Variants in MPDZ observed in about 807,000 individuals in gnomAD.
MPDZ encodes multiple PDZ domain protein.
In MPDZ, 234 loss-of-function variants were observed where a neutral mutation model predicts 239.1. The ratio of observed to expected loss-of-function variants is 0.98; its 90% CI spans 0.88 to 1.09. The LOEUF is 1.09. MPDZ is among the 50% of genes least tolerant of loss of function. The pLI is 0.00. For missense variants in MPDZ, 3,175 were observed against 2,510.0 expected, an observed-to-expected ratio of 1.26 and a Z score of -5.66; for synonymous variants, 1,048 against 881.3, an observed-to-expected ratio of 1.19 and a Z score of -3.35.
intron 25 of MPDZ, among the ~76,000 whole-genome samples, 171 bp downstream of exon 25, chr9:13,150,340 G>A (rs1587274566): frequency 6.6e-6 from 1 of 151,840 alleles, no homozygotes. Flanking sequence ...TCGAATGCTG[G>A]GTTGAGTAAC....
chr9:13,106,586 T>C lies in MPDZ; in HGVS notation c.*379A>G, dbSNP rs116188998. The C allele has an allele frequency of 6.3e-6, 1 of 159,340 alleles. No homozygotes were observed. Among genetic ancestry groups the C allele is most frequent in the African/African-American group, 2.4e-5 (1 of 41,880 alleles). 9.9% of individuals were successfully genotyped at this position (159,340 alleles called of 1,614,324 possible). On this transcript the variant is annotated 3_prime_UTR_variant, in exon 47 of 47. Transcript: ENST00000319217. Reference sequence around the variant, plus strand: ...TTTTCTTCTTTATTTTATATTTTCATTTTTCATCCTAATTTACTGAAGCCA... The same window carrying C: ...TTTTCTTCTTTATTTTATATTTTCACTTTTCATCCTAATTTACTGAAGCCA...
At chr9:13,222,179 C>G (rs919479809) in intron 6 of MPDZ, 54 bp downstream of exon 6, 9 of 1,483,544 alleles carry the variant, frequency 6.1e-6, no homozygotes, top group Non-Finnish European at 9.1e-7. Context: ...TGGAGATAAC[C>G]AAAAACAACT....
At chr9:13,110,164 T>C in intron 44 of MPDZ, 100 bp from the exon 45 acceptor site, 1 of 781,728 alleles carries the variant, frequency 1.3e-6, no homozygotes, top group South Asian at 1.6e-5. Context: ...ATGTATATTT[T>C]ATTGTTCATT....
intron 1 of MPDZ, among the ~76,000 whole-genome samples, chr9:13,253,293 G>C (rs528950766): frequency 2.7e-5 from 4 of 149,980 alleles, no homozygotes; most frequent in East Asian, 2.0e-4. Flanking sequence ...TAAAATTACA[G>C]TTTCAGAGTT....
At chr9:13,141,410 C>G (rs544670532) in intron 27 of MPDZ, among the ~76,000 whole-genome samples, 1 of 152,246 alleles carries the variant, frequency 6.6e-6, no homozygotes, top group Admixed American at 6.5e-5. Context: ...CTCCAACTTG[C>G]ATAAATAAGA....
intron 1 of MPDZ, among the ~76,000 whole-genome samples, chr9:13,271,531 G>A (rs1972953047): frequency 6.6e-6 from 1 of 152,136 alleles, no homozygotes; most frequent in South Asian, 2.1e-4. Flanking sequence ...CTTTTATCAT[G>A]AAAATGATGC....
At chr9:13,251,985 A>G (rs767212838) in intron 1 of MPDZ, among the ~76,000 whole-genome samples, 5 of 152,170 alleles carry the variant, frequency 3.3e-5, no homozygotes, top group Non-Finnish European at 7.3e-5. Context: ...ACACTTACTC[A>G]TTGGGTATAT....
intron 26 of MPDZ, among the ~76,000 whole-genome samples, chr9:13,144,939 G>A (rs1258363151): frequency 1.3e-5 from 2 of 152,042 alleles, no homozygotes; most frequent in African/African-American, 2.4e-5. Flanking sequence ...GCTATGGAAG[G>A]TGGAGATTAT....
chr9:13,121,689 A>G, intron 38 of MPDZ, 50 bp downstream of exon 38: 1 of 1,572,874 alleles, frequency 6.4e-7, no homozygotes. Flanking sequence ...AAAATGATTT[A>G]AGTCCCATCA....
At chr9:13,278,516 A>T (rs758966391) in intron 1 of MPDZ, among the ~76,000 whole-genome samples, 1 of 152,180 alleles carries the variant, frequency 6.6e-6, no homozygotes, top group Non-Finnish European at 1.5e-5. Context: ...CAAAGAACGC[A>T]AACAAAAATG....
intron 12 of MPDZ, among the ~76,000 whole-genome samples, chr9:13,200,422 A>G (rs1956242764): frequency 6.6e-6 from 1 of 151,906 alleles, no homozygotes; most frequent in East Asian, 1.9e-4. Context: ...TTTTCGTCTC[A>G]ATTTCATTTA....
At chr9:13,178,277 A>AT (rs1952784978) in intron 19 of MPDZ, among the ~76,000 whole-genome samples, 1 of 151,194 alleles carries the variant, frequency 6.6e-6, no homozygotes, top group Admixed American at 6.6e-5. Flanking sequence ...AAAAAAAAAA[A>AT]TTTGGTACAT....
intron 39 of MPDZ, among the ~76,000 whole-genome samples, chr9:13,117,778 GC>G (rs1943702772): frequency 1.3e-5 from 2 of 150,892 alleles, no homozygotes; most frequent in African/African-American, 2.4e-5. Flanking sequence ...AAAATAAGCA[GC>G]CCCAACAACA....
chr9:13,223,740 C>G (rs1369995027), intron 4 of MPDZ, 30 bp from the exon 5 acceptor site: 1 of 1,551,204 alleles, frequency 6.4e-7, no homozygotes, highest in Admixed American at 2.0e-5. Flanking sequence ...AGAAATAAAA[C>G]TAAAAGCCAG....
chr9:13,115,696 A>C (rs1018416716), intron 39 of MPDZ, among the ~76,000 whole-genome samples: 1 of 152,094 alleles, frequency 6.6e-6, no homozygotes, highest in Non-Finnish European at 1.5e-5. Context: ...CTGTAATCCC[A>C]CCACTTTGGG....
intron 10 of MPDZ, among the ~76,000 whole-genome samples, chr9:13,214,232 T>C (rs898666746): frequency 1.3e-5 from 2 of 152,044 alleles, no homozygotes; most frequent in African/African-American, 4.8e-5. Context: ...AGGAATATTA[T>C]TCAGCAATAA....
In MPDZ at chr9:13,247,638, G is replaced by A. The variant is rs377473317; in HGVS notation, c.180C>T (p.Asp60=). Residue 60 remains aspartate (D), a synonymous_variant, in exon 3 of 47, where the codon GAC becomes GAT. Coordinates refer to ENST00000319217, the MANE Select transcript of MPDZ (RefSeq NM_001378778.1). ...GCTTGGGTGAATGATGTCCTACCTG[G>A]TCTTTCAGCTGCTGTACAGAAGTCT... is the stretch of plus-strand genomic sequence containing the variant. ...SLQTSVQQLK[D]QVNIATSATS... 54 of 1,609,452 alleles carry A rather than the reference G, an allele frequency of 3.4e-5. No homozygotes were observed. In the African/African-American group the frequency reaches 6.3e-4, roughly 19 times the overall value.
In MPDZ at chr9:13,264,775, T is replaced by C. The variant is rs541165843; in HGVS notation, c.-57-14403A>G. Among the ~76,000 whole-genome samples, 4 of 152,292 alleles carry C rather than the reference T, an allele frequency of 2.6e-5. No homozygotes were observed. In the East Asian group the frequency reaches 5.8e-4, roughly 22 times the overall value. ...CATAATGTTCCTTAATGTATCTCTA[T>C]TGGACAGGGGACCCTCCCCTCAAAC... On this transcript the variant is annotated intron_variant, in intron 1 of 46. Transcript: ENST00000319217.
chr9:13,125,522 T>C, intron 34 of MPDZ, 132 bp from the exon 35 acceptor site: 1 of 766,902 alleles, frequency 1.3e-6, no homozygotes, highest in Non-Finnish European at 2.0e-6. Context: ...AATTATTTCT[T>C]TGTCAGGACT....
Sources: gnomAD v4.1 joint callset for allele counts (sites outside exome capture counted in the v4.1 genomes callset) on GRCh38, gnomAD v4.1.1 for gene constraint, MANE v1.5 for transcripts, NCBI Gene and HGNC (gene_info 2026-07-23, HGNC 2026-07-21) for gene names.